SEL1L: variants seen among roughly 807,000 people sequenced by gnomAD.
SEL1L encodes the protein protein sel-1 homolog 1.
A neutral mutation model predicts 109.8 loss-of-function variants in SEL1L; 52 were observed. That is an observed-to-expected ratio of 0.47 (90% CI 0.38 to 0.60). SEL1L has a LOEUF of 0.60. Ranked by LOEUF, SEL1L falls within the 20% of genes least tolerant of loss-of-function variation. The probability of loss-of-function intolerance (pLI) is 0.00; values close to 1 mark genes in which losing one functional copy is unlikely to be tolerated. For missense variants in SEL1L, 749 were observed against 962.2 expected (o/e 0.78, Z 2.93); for synonymous variants, 373 against 339.6 (o/e 1.10, Z -1.08).
intron 4 of SEL1L, among the ~76,000 whole-genome samples, chr14:81,505,538 G>A (rs1034043657): frequency 4.0e-5 from 6 of 150,760 alleles, no homozygotes; most frequent in African/African-American, 1.5e-4. Flanking sequence ...TGGTATTTAA[G>A]GGATTATGTT....
intron 1 of SEL1L, 151 bp downstream of exon 1, chr14:81,533,524 G>C: frequency 1.3e-6 from 1 of 741,984 alleles, no homozygotes; most frequent in East Asian, 2.7e-5. Context: ...TTTGGCGCAG[G>C]CCAAGCAAAG....
At chr14:81,487,828 T>C (rs574481939) in intron 15 of SEL1L, 27 bp downstream of exon 15, 8 of 1,611,744 alleles carry the variant, frequency 5.0e-6, no homozygotes, top group East Asian at 2.2e-5. Context: ...TCTTGGTGTA[T>C]CCATCATTAA....
At chr14:81,486,804 T>C (rs976636606) in intron 16 of SEL1L, among the ~76,000 whole-genome samples, 2 of 152,144 alleles carry the variant, frequency 1.3e-5, no homozygotes, top group Non-Finnish European at 2.9e-5. Context: ...AAAAGCCCCA[T>C]TTGACAAGTG....
intron 15 of SEL1L, 41 bp downstream of exon 15, chr14:81,487,814 T>C (rs1443181866): frequency 1.2e-6 from 2 of 1,607,992 alleles, no homozygotes; most frequent in South Asian, 2.2e-5. Flanking sequence ...CAGCTTAATT[T>C]AGATCTTGGT....
At chr14:81,498,957 A>G (rs1403217580) in intron 8 of SEL1L, 3 of 276,166 alleles carry the variant, frequency 1.1e-5, no homozygotes, top group African/African-American at 6.9e-5. Context: ...ATGGGAAGAC[A>G]GCCAATCATG....
At chr14:81,510,472 A>ATCTCTCTCTCTCTCTC (rs374089460) in intron 3 of SEL1L, among the ~76,000 whole-genome samples, 6 of 118,882 alleles carry the variant, frequency 5.0e-5, no homozygotes, top group Admixed American at 9.2e-5. Context: ...TAGAATGCTG[A>ATCTCTCTCTCTCTCTC]TCTCTCTCTC....
chr14:81,482,246 T>G (rs1163423432), intron 19 of SEL1L, among the ~76,000 whole-genome samples: 1 of 152,202 alleles, frequency 6.6e-6, no homozygotes, highest in African/African-American at 2.4e-5. Flanking sequence ...TTTTCTTGTT[T>G]TATAAGCTAT....
chr14:81,502,805 A>G lies in SEL1L; in HGVS notation c.693T>C (p.Phe231=). The change falls in exon 6 of 21, where the codon TTT becomes TTC. Residue 231 remains phenylalanine (F), a synonymous_variant. Coordinates refer to ENST00000336735, the MANE Select transcript of SEL1L (RefSeq NM_005065.6). The part of the protein sequence containing the change: ...ALERVSYALL[F]GDYLPQNIQA... ...GGATATTCTGTGGCAAGTAATCACC[A>G]AATAAAAGAGCATATGACACTCTCT... The G allele has an allele frequency of 1.2e-6, 2 of 1,614,168 alleles. No homozygotes were observed. The highest frequency in any genetic ancestry group is 1.7e-6 in the Non-Finnish European group (2 of 1,180,000).
intron 3 of SEL1L, among the ~76,000 whole-genome samples, chr14:81,509,500 T>A (rs1356785339): frequency 6.6e-6 from 1 of 152,170 alleles, no homozygotes; most frequent in African/African-American, 2.4e-5. Context: ...TGACACAGTA[T>A]CCCAATCTAT....
intron 1 of SEL1L, among the ~76,000 whole-genome samples, chr14:81,532,396 C>T (rs150069601): frequency 2.0e-5 from 3 of 152,308 alleles, no homozygotes; most frequent in Non-Finnish European, 2.9e-5. Context: ...TCATTAAGCT[C>T]AACAGCTTCA....
chr14:81,499,725 G>A (rs991447418), intron 6 of SEL1L, 63 bp from the exon 7 acceptor site: 3 of 1,321,980 alleles, frequency 2.3e-6, no homozygotes, highest in Non-Finnish European at 2.1e-6. Flanking sequence ...GACAGACACA[G>A]ACAGACACAG....
Position 81,473,410 on chromosome 14 carries a change from T to C in SEL1L, c.*3562A>G, listed in dbSNP as rs1215732885. 1 of 152,232 alleles carries C rather than the reference T, an allele frequency of 6.6e-6. No individual in the cohort carries two copies. The highest frequency in any genetic ancestry group is 2.4e-5 in the African/African-American group (1 of 41,458). The allele number at this position is 152,232 out of a possible 1,614,324, so 9.4% of individuals were successfully genotyped here. ...GGGTGGAGAGCTTCTTTTCAATGAA[T>C]ACCACACATTTAAAATCCAGATCGT... is the stretch of plus-strand genomic sequence containing the variant. On this transcript the variant is annotated 3_prime_UTR_variant, in exon 21 of 21. Transcript: ENST00000336735.
Position 81,499,878 on chromosome 14 carries a change from T to TA in SEL1L, c.778-217dup, listed in dbSNP as rs1367473743. Among the ~76,000 whole-genome samples the TA allele has an allele frequency of 4.7e-5, 7 of 150,318 alleles. No homozygotes were observed. In the East Asian group the frequency reaches 9.7e-4, roughly 21 times the overall value. ...AATTAAATTAAATGTAGCATTATTT[T>TA]AAAAAAAATTTTATTTATTTGTGGC... On this transcript the variant is annotated intron_variant, in intron 6 of 20. Transcript: ENST00000336735.
At chr14:81,496,227 G>A (rs894814305) in intron 10 of SEL1L, among the ~76,000 whole-genome samples, 1 of 152,120 alleles carries the variant, frequency 6.6e-6, no homozygotes, top group African/African-American at 2.4e-5. Context: ...GGGAGGCTGA[G>A]GCAGGAGAAT....
chr14:81,515,919 T>C (rs1884682059), intron 3 of SEL1L, among the ~76,000 whole-genome samples: 1 of 152,078 alleles, frequency 6.6e-6, no homozygotes, highest in Admixed American at 6.6e-5. Flanking sequence ...GCTGCAGCCT[T>C]AGTCATGGCC....
Position 81,510,504 on chromosome 14 carries a change from CTCTCTCTCTCTA to C in SEL1L, c.341-4275_341-4264del, listed in dbSNP as rs1393520614. On this transcript the variant is annotated intron_variant, in intron 3 of 20. Transcript: ENST00000336735. The stretch of plus-strand genomic sequence containing the variant: ...TCTCTCTCTCTCTCTCTCTCTCTCT[CTCTCTCTCTCTA>C]TATATATATATATAGACAATTAAAG... 2.7e-4 allele frequency among the ~76,000 whole-genome samples: 34 copies of C among 124,560 alleles called. No individual in the cohort carries two copies. In the East Asian group the frequency reaches 3.4e-3, roughly 13 times the overall value. 81.7% of individuals were successfully genotyped at this position (124,560 alleles called of 152,430 possible).
intron 19 of SEL1L, among the ~76,000 whole-genome samples, chr14:81,483,635 G>A (rs978973331): frequency 6.6e-6 from 1 of 152,118 alleles, no homozygotes. Flanking sequence ...TTGTTATTTA[G>A]ATTCTATTGG....
chr14:81,490,641 C>T (rs1392509610), intron 12 of SEL1L, among the ~76,000 whole-genome samples, 176 bp from the exon 13 acceptor site: 2 of 152,244 alleles, frequency 1.3e-5, no homozygotes, highest in Admixed American at 6.5e-5. Context: ...TGGCTCATGC[C>T]TGTAATCCCA....
intron 8 of SEL1L, chr14:81,499,184 G>C (rs929772526): frequency 8.6e-6 from 10 of 1,159,402 alleles, no homozygotes; most frequent in Non-Finnish European, 1.1e-5. Flanking sequence ...CCAACTCAGA[G>C]AAAATTTAAA....
Sources: gnomAD v4.1 joint callset for allele counts (sites outside exome capture counted in the v4.1 genomes callset) on GRCh38, gnomAD v4.1.1 for gene constraint, MANE v1.5 for transcripts, NCBI Gene and HGNC (gene_info 2026-07-23, HGNC 2026-07-21) for gene names.